The following ADAMTSL1 variants were observed in gnomAD, a reference collection of about 807,000 sequenced individuals.
ADAMTSL1 encodes ADAMTS like 1, also known as ADAMTS-like protein 1.
Under a neutral mutation model 201.8 loss-of-function variants are expected in ADAMTSL1, and 126 were observed. The observed-to-expected ratio is 0.62, with a 90% confidence interval of 0.54 to 0.72. The LOEUF is 0.72. Among genes scored for constraint, ADAMTSL1 ranks in the 30% least tolerant of loss-of-function variants. The pLI, the probability that ADAMTSL1 is intolerant of heterozygous loss-of-function variation, is 0.00. For synonymous variants in ADAMTSL1, 1,121 were observed against 903.4 expected (o/e 1.24, Z -4.32); for missense variants, 2,679 against 2,277.8 (o/e 1.18, Z -3.59).
chr9:18,107,876 C>G lies in ADAMTSL1; in HGVS notation c.88-55986C>G, dbSNP rs866053534. ...TGCTGAGCCAGAAGTCAGTCACGACCAGCATTGTTCTTCAGAGCCACCGTG... is the reference window on the plus strand; with the variant it reads ...TGCTGAGCCAGAAGTCAGTCACGACGAGCATTGTTCTTCAGAGCCACCGTG... On this transcript the variant is annotated intron_variant, in intron 1 of 29. Coordinates refer to the ADAMTSL1 transcript ENST00000680146. Among the ~76,000 whole-genome samples the G allele has an allele frequency of 2.0e-5, 3 of 152,112 alleles. No individual in the cohort carries two copies. In the South Asian group the frequency reaches 6.2e-4, roughly 31 times the overall value.
chr9:17,968,834 A>G (rs776087589), intron 1 of ADAMTSL1, among the ~76,000 whole-genome samples: 3 of 152,142 alleles, frequency 2.0e-5, no homozygotes, highest in African/African-American at 7.2e-5. Flanking sequence ...GGTTTTAAAC[A>G]TAATTTCTTT....
intron 2 of ADAMTSL1, among the ~76,000 whole-genome samples, chr9:18,300,071 G>C (rs1211535398): frequency 2.6e-5 from 4 of 152,134 alleles, no homozygotes; most frequent in African/African-American, 9.7e-5. Flanking sequence ...CAAGGATCTA[G>C]AACTAGAAAT....
At chr9:18,905,259 C>G (rs1830236613) in intron 26 of ADAMTSL1, among the ~76,000 whole-genome samples, 1 of 152,178 alleles carries the variant, frequency 6.6e-6, no homozygotes, top group African/African-American at 2.4e-5. Flanking sequence ...GAGCACATAG[C>G]AAGAGAATAT....
chr9:18,267,428 C>A (rs1832161586), intron 2 of ADAMTSL1, among the ~76,000 whole-genome samples: 1 of 152,116 alleles, frequency 6.6e-6, no homozygotes, highest in South Asian at 2.1e-4. Flanking sequence ...TTAGTTCATA[C>A]ACAGAAACTT....
chr9:18,149,383 C>G (rs113415092), intron 1 of ADAMTSL1, among the ~76,000 whole-genome samples: 2 of 151,908 alleles, frequency 1.3e-5, no homozygotes, highest in African/African-American at 4.8e-5. Flanking sequence ...TGGTTGGAGA[C>G]GAGTCTATAG....
At chr9:18,320,318 A>G (rs1226204841) in intron 2 of ADAMTSL1, among the ~76,000 whole-genome samples, 2 of 152,212 alleles carry the variant, frequency 1.3e-5, no homozygotes, top group Admixed American at 6.5e-5. Context: ...GTAATTTGTT[A>G]TGGCAGCATT....
intron 17 of ADAMTSL1, among the ~76,000 whole-genome samples, chr9:18,774,524 A>G (rs1379383690): frequency 2.6e-5 from 4 of 152,032 alleles, no homozygotes; most frequent in African/African-American, 9.7e-5. Context: ...GGAAATCCCT[A>G]GTGTACTATA....
intron 16 of ADAMTSL1, among the ~76,000 whole-genome samples, chr9:18,768,396 T>C (rs1820484644): frequency 6.7e-6 from 1 of 150,180 alleles, no homozygotes; most frequent in Non-Finnish European, 1.5e-5. Context: ...TGAATGGCAA[T>C]AAACAAATTC....
intron 2 of ADAMTSL1, among the ~76,000 whole-genome samples, chr9:18,264,899 G>T (rs1272610541): frequency 6.6e-6 from 1 of 152,104 alleles, no homozygotes; most frequent in African/African-American, 2.4e-5. Flanking sequence ...ACTTTACCTT[G>T]CCAAGCCTTC....
chr9:18,316,226 C>T (rs565366482), intron 2 of ADAMTSL1, among the ~76,000 whole-genome samples: 245 of 152,158 alleles, frequency 1.6e-3, no homozygotes, highest in African/African-American at 5.3e-3. Flanking sequence ...AGGACCGGGG[C>T]GAAATTAAAA....
rs1471259235 is a variant in ADAMTSL1, at chr9:18,451,518, G to T, written c.208-53311G>T. Among the ~76,000 whole-genome samples, 4 of 152,172 alleles carry T rather than the reference G, an allele frequency of 2.6e-5. No individual in the cohort carries two copies. In the East Asian group the frequency reaches 7.7e-4, roughly 29 times the overall value. On this transcript the variant is annotated intron_variant, in intron 2 of 29. Transcript: ENST00000680146. The stretch of plus-strand genomic sequence containing the variant: ...CATTACTTGAGCAACTTTCAGAAAA[G>T]CTATTGCCACTTACATAAGCATTAG...
chr9:18,697,564 GT>G (rs1831634385), intron 13 of ADAMTSL1, among the ~76,000 whole-genome samples: 1 of 152,118 alleles, frequency 6.6e-6, no homozygotes, highest in South Asian at 2.1e-4. Flanking sequence ...GTCATAATGA[GT>G]TGTATATGTA....
chr9:18,241,883 C>T (rs558216938), intron 2 of ADAMTSL1, among the ~76,000 whole-genome samples: 1 of 151,872 alleles, frequency 6.6e-6, no homozygotes, highest in African/African-American at 2.4e-5. Flanking sequence ...CAACAAAAAC[C>T]CTTACAGCAA....
At chr9:18,388,827 G>T (rs1837919286) in intron 2 of ADAMTSL1, among the ~76,000 whole-genome samples, 1 of 151,758 alleles carries the variant, frequency 6.6e-6, no homozygotes, top group Non-Finnish European at 1.5e-5. Context: ...TGCCCTCTCG[G>T]CTCACTGCAA....
intron 1 of ADAMTSL1, among the ~76,000 whole-genome samples, chr9:18,114,936 C>A (rs866228263): frequency 2.0e-5 from 3 of 152,128 alleles, no homozygotes; most frequent in East Asian, 1.9e-4. Flanking sequence ...CATAAGCCAC[C>A]GTGGTCGACT....
At chr9:18,626,867 C>CTT (rs1391912047) in intron 5 of ADAMTSL1, among the ~76,000 whole-genome samples, 1 of 128,088 alleles carries the variant, frequency 7.8e-6, no homozygotes, top group Non-Finnish European at 1.6e-5. Flanking sequence ...TTCTTTCTTT[C>CTT]TGTCTTTCTT....
intron 1 of ADAMTSL1, among the ~76,000 whole-genome samples, chr9:17,962,933 G>T (rs1817819417): frequency 6.6e-6 from 1 of 152,220 alleles, no homozygotes; most frequent in African/African-American, 2.4e-5. Context: ...AGCCACATCA[G>T]TTGAAACTAT....
chr9:18,086,336 C>G (rs1284499776), intron 1 of ADAMTSL1, among the ~76,000 whole-genome samples: 1 of 151,980 alleles, frequency 6.6e-6, no homozygotes, highest in Admixed American at 6.6e-5. Flanking sequence ...AGAGACTAAC[C>G]TTAAATAAAA....
chr9:18,204,376 G>T (rs1829565033), intron 2 of ADAMTSL1, among the ~76,000 whole-genome samples: 1 of 152,056 alleles, frequency 6.6e-6, no homozygotes, highest in Non-Finnish European at 1.5e-5. Flanking sequence ...TGAAGAAGGT[G>T]CCTTACTTCC....
Sources: allele counts gnomAD v4.1 joint callset (sites outside exome capture counted in the v4.1 genomes callset), GRCh38; gene constraint gnomAD v4.1.1; transcripts MANE v1.5; gene names NCBI Gene and HGNC (gene_info 2026-07-23, HGNC 2026-07-21).